Variants in SCFD2 observed in about 807,000 individuals in gnomAD.
SCFD2 encodes the protein sec1 family domain containing 2, also known as sec1 family domain-containing protein 2.
In SCFD2, 54 loss-of-function variants were observed where a neutral mutation model predicts 58.9. That is an observed-to-expected ratio of 0.92 (90% CI 0.74 to 1.15). The LOEUF is 1.15. Ranked by LOEUF, SCFD2 falls within the 50% of genes most tolerant of loss-of-function variation. SCFD2 has a pLI of 0.00. For synonymous variants in SCFD2, 321 were observed against 335.9 expected, an observed-to-expected ratio of 0.96 and a Z score of 0.49; for missense variants, 805 against 836.6, an observed-to-expected ratio of 0.96 and a Z score of 0.47.
At chr4:53,204,817 A>G (rs774450576) in intron 4 of SCFD2, among the ~76,000 whole-genome samples, 1 of 150,994 alleles carries the variant, frequency 6.6e-6, no homozygotes, top group Non-Finnish European at 1.5e-5. Flanking sequence ...AAAAACATGT[A>G]TTACATATAT....
At chr4:53,095,788 G>A (rs1724606333) in intron 5 of SCFD2, among the ~76,000 whole-genome samples, 2 of 151,946 alleles carry the variant, frequency 1.3e-5, no homozygotes, top group African/African-American at 2.4e-5. Context: ...TGTTACATAT[G>A]TATACATGTG....
At chr4:53,158,426 C>A (rs1324281066) in intron 4 of SCFD2, among the ~76,000 whole-genome samples, 1 of 152,052 alleles carries the variant, frequency 6.6e-6, no homozygotes, top group Non-Finnish European at 1.5e-5. Context: ...CTATTTGTAC[C>A]CCCAAATTTG....
chr4:53,162,891 A>AATAAAT (rs773932689), intron 4 of SCFD2, among the ~76,000 whole-genome samples: 2 of 151,942 alleles, frequency 1.3e-5, no homozygotes, highest in Non-Finnish European at 2.9e-5. Context: ...TAAATAAATA[A>AATAAAT]AAATAAAAGC....
At chr4:53,249,896 C>T (rs549788917) in intron 4 of SCFD2, among the ~76,000 whole-genome samples, 116 of 152,232 alleles carry the variant, frequency 7.6e-4, no homozygotes, top group South Asian at 2.3e-3. Flanking sequence ...CATCAACTAA[C>T]GAGCAAAATA....
intron 7 of SCFD2, among the ~76,000 whole-genome samples, chr4:52,889,016 T>C (rs1213780533): frequency 6.6e-6 from 1 of 152,188 alleles, no homozygotes; most frequent in Non-Finnish European, 1.5e-5. Context: ...ATCACCACCT[T>C]CAAAGTCACC....
intron 2 of SCFD2, among the ~76,000 whole-genome samples, chr4:53,349,386 G>A (rs1577994189): frequency 6.6e-6 from 1 of 152,322 alleles, no homozygotes; most frequent in South Asian, 2.1e-4. Flanking sequence ...GCTTATAGCT[G>A]CTCCTCTCTG....
intron 4 of SCFD2, among the ~76,000 whole-genome samples, chr4:53,201,009 ATTTAAT>A (rs1421515815): frequency 1.3e-5 from 2 of 151,714 alleles, no homozygotes. Context: ...TTTTAATTTA[ATTTAAT>A]TTTTTAAAAA....
chr4:53,235,214 A>G (rs923126650), intron 4 of SCFD2, among the ~76,000 whole-genome samples: 2 of 152,258 alleles, frequency 1.3e-5, no homozygotes, highest in Non-Finnish European at 2.9e-5. Context: ...AAGCACATTC[A>G]TTACTTGGGG....
At chr4:53,298,585 T>C (rs1163512312) in intron 3 of SCFD2, among the ~76,000 whole-genome samples, 1 of 152,152 alleles carries the variant, frequency 6.6e-6, no homozygotes, top group Non-Finnish European at 1.5e-5. Flanking sequence ...TCTGACAGCT[T>C]TGAAGAGAGT....
chr4:53,272,381 G>T (rs980848093), intron 4 of SCFD2, among the ~76,000 whole-genome samples: 1 of 152,092 alleles, frequency 6.6e-6, no homozygotes, highest in African/African-American at 2.4e-5. Context: ...AAATCATGCC[G>T]CTATAAAGAC....
At chr4:53,278,068 A>AAAAC (rs1731387289) in intron 3 of SCFD2, among the ~76,000 whole-genome samples, 1 of 150,092 alleles carries the variant, frequency 6.7e-6, no homozygotes, top group Non-Finnish European at 1.5e-5. Flanking sequence ...AAAAACAAAA[A>AAAAC]AAAAAAAAAC....
chr4:52,918,967 C>T (rs1719670356), intron 6 of SCFD2, among the ~76,000 whole-genome samples: 1 of 152,196 alleles, frequency 6.6e-6, no homozygotes, highest in Non-Finnish European at 1.5e-5. Flanking sequence ...TTCCCACTCA[C>T]TGACACTTAG....
intron 5 of SCFD2, among the ~76,000 whole-genome samples, chr4:53,034,212 C>CACAA (rs374621499): frequency 0.026 from 3,985 of 152,036 alleles, 79 homozygotes; most frequent in African/African-American, 0.054. Context: ...TAACCAATCA[C>CACAA]ACAATCACTA....
chr4:53,124,608 AG>A (rs1217401398), intron 5 of SCFD2, among the ~76,000 whole-genome samples: 5 of 152,340 alleles, frequency 3.3e-5, no homozygotes, highest in African/African-American at 1.2e-4. Context: ...GTGTAAGCAA[AG>A]TTTTATAAAG....
chr4:53,313,983 G>A (rs1732781390), intron 2 of SCFD2, among the ~76,000 whole-genome samples: 1 of 152,062 alleles, frequency 6.6e-6, no homozygotes, highest in South Asian at 2.1e-4. Context: ...GAAAAAAAGG[G>A]AAGAAAAGCT....
At chr4:53,316,536 C>T (rs1309776025) in intron 2 of SCFD2, among the ~76,000 whole-genome samples, 1 of 152,142 alleles carries the variant, frequency 6.6e-6, no homozygotes, top group African/African-American at 2.4e-5. Context: ...GTAGTTGTTA[C>T]TAGTATTACT....
intron 5 of SCFD2, among the ~76,000 whole-genome samples, chr4:53,095,543 C>T (rs985367301): frequency 2.0e-5 from 3 of 152,108 alleles, no homozygotes; most frequent in African/African-American, 7.2e-5. Flanking sequence ...TCTTACTCCC[C>T]TCTTCAGTAT....
intron 5 of SCFD2, chr4:52,950,513 C>T (rs1216388972): frequency 6.6e-6 from 1 of 152,058 alleles, no homozygotes; most frequent in Non-Finnish European, 1.5e-5. Flanking sequence ...TATGTTTTAC[C>T]CTTTGAATGA....
At chr4:53,121,704 G>C (rs775795409) in intron 5 of SCFD2, among the ~76,000 whole-genome samples, 27 of 152,186 alleles carry the variant, frequency 1.8e-4, no homozygotes, top group Non-Finnish European at 2.5e-4. Context: ...GTCCTGCAAA[G>C]GCAAGGCACA....
Sources: gnomAD v4.1 joint callset for allele counts (sites outside exome capture counted in the v4.1 genomes callset) on GRCh38, gnomAD v4.1.1 for gene constraint, MANE v1.5 for transcripts, NCBI Gene and HGNC (gene_info 2026-07-23, HGNC 2026-07-21) for gene names.